The following SLC24A3 variants were observed in gnomAD, a reference collection of about 807,000 sequenced individuals.
SLC24A3 encodes solute carrier family 24 member 3, also known as sodium/potassium/calcium exchanger 3.
SLC24A3 carries 28 observed loss-of-function variants against 75.8 expected under a neutral mutation model. The observed-to-expected ratio is 0.37, with a 90% CI of 0.27 to 0.51. The LOEUF is 0.51. SLC24A3 is among the 20% of genes least tolerant of loss of function. The probability of loss-of-function intolerance (pLI) is 0.94; values close to 1 mark genes in which losing one functional copy is unlikely to be tolerated. For missense variants in SLC24A3, 663 were observed against 847.8 expected (o/e 0.78, Z 2.71); for synonymous variants, 372 against 334.1 (o/e 1.11, Z -1.24).
intron 6 of SLC24A3, among the ~76,000 whole-genome samples, chr20:19,641,240 C>G (rs1272745060): frequency 6.6e-6 from 1 of 152,110 alleles, no homozygotes; most frequent in Non-Finnish European, 1.5e-5. Flanking sequence ...AGCCCATATA[C>G]CCATCTGAGA....
chr20:19,387,089 A>G (rs1986285125), intron 2 of SLC24A3, among the ~76,000 whole-genome samples: 1 of 152,132 alleles, frequency 6.6e-6, no homozygotes, highest in African/African-American at 2.4e-5. Flanking sequence ...GTATGTTTCT[A>G]GGAATTTATC....
intron 3 of SLC24A3, among the ~76,000 whole-genome samples, chr20:19,544,686 C>T (rs762083723): frequency 3.3e-5 from 5 of 152,146 alleles, no homozygotes; most frequent in East Asian, 3.9e-4. Context: ...TGCAAAATTC[C>T]GATAAAAACT....
At chr20:19,441,688 C>CA (rs1987301714) in intron 2 of SLC24A3, among the ~76,000 whole-genome samples, 1 of 152,102 alleles carries the variant, frequency 6.6e-6, no homozygotes, top group Non-Finnish European at 1.5e-5. Context: ...ATTATTAACT[C>CA]AACTTTATAG....
rs113412126 is a variant in SLC24A3 at position 19,363,980 on chromosome 20, T to C, written c.271+82893T>C. On this transcript the variant is annotated intron_variant, in intron 2 of 16. Coordinates refer to ENST00000328041, the MANE Select transcript of SLC24A3 (RefSeq NM_020689.4). ...TTGATGTCAGATGATTGGCTGTCTT[T>C]AGGGAGGGCCCAGTCAGATCTTCGG... Among the ~76,000 whole-genome samples the C allele has an allele frequency of 7.5e-3, 1,147 of 151,956 alleles. 13 individuals carry two copies. Among genetic ancestry groups the C allele is most frequent in the African/African-American group, 0.027 (1,105 of 41,450 alleles).
chr20:19,363,569 A>C (rs933942361), intron 2 of SLC24A3, among the ~76,000 whole-genome samples: 1 of 152,132 alleles, frequency 6.6e-6, no homozygotes, highest in East Asian at 1.9e-4. Flanking sequence ...TCTGCTGGGG[A>C]TGCCCATTCA....
At chr20:19,275,061 A>G (rs1023111069) in intron 1 of SLC24A3, among the ~76,000 whole-genome samples, 1 of 152,220 alleles carries the variant, frequency 6.6e-6, no homozygotes, top group African/African-American at 2.4e-5. Context: ...GGCTGTTGCC[A>G]TGGCCCTCTG....
At chr20:19,511,031 C>T (rs1988527730) in intron 2 of SLC24A3, among the ~76,000 whole-genome samples, 1 of 152,192 alleles carries the variant, frequency 6.6e-6, no homozygotes, top group Non-Finnish European at 1.5e-5. Flanking sequence ...CAGTGACAGG[C>T]AGGCGTCAGT....
intron 6 of SLC24A3, among the ~76,000 whole-genome samples, chr20:19,610,726 G>A (rs963307009): frequency 6.6e-6 from 1 of 152,236 alleles, no homozygotes; most frequent in African/African-American, 2.4e-5. Flanking sequence ...AATCCTGGAA[G>A]ATGATGGGGT....
Position 19,580,051 on chromosome 20 carries a change from C to G in SLC24A3, c.400C>G (p.Pro134Ala). The part of the protein sequence containing the change: ...LAIVCDDFFV[P>A]SLEKICERLH... ...CATTGTGTGTGATGACTTCTTCGTC[C>G]CTTCCTTGGAAAAGATCTGTGAGGT... The change falls in exon 4 of 17, where the codon CCT (proline) becomes GCT (alanine). Residue 134 changes from proline to alanine, a missense_variant. By Grantham distance (27) the Pro-to-Ala change is conservative. Transcript: ENST00000328041. 1.9e-6 allele frequency: 3 copies of G among 1,613,854 alleles called. No homozygotes were observed. The highest frequency in any genetic ancestry group is 2.5e-6 in the Non-Finnish European group (3 of 1,179,800).
intron 15 of SLC24A3, among the ~76,000 whole-genome samples, chr20:19,711,577 T>G (rs987787077): frequency 1.3e-5 from 2 of 151,960 alleles, no homozygotes; most frequent in Non-Finnish European, 2.9e-5. Flanking sequence ...CACACGTGCA[T>G]GCTCACATGC....
At chr20:19,232,726 C>G (rs1243279183) in intron 1 of SLC24A3, among the ~76,000 whole-genome samples, 2 of 152,174 alleles carry the variant, frequency 1.3e-5, no homozygotes, top group Admixed American at 1.3e-4. Context: ...AGCTATCTGC[C>G]TTTAGGCTTG....
At chr20:19,484,287 C>A (rs1988098615) in intron 2 of SLC24A3, among the ~76,000 whole-genome samples, 1 of 152,046 alleles carries the variant, frequency 6.6e-6, no homozygotes, top group Non-Finnish European at 1.5e-5. Context: ...ATACACGTAG[C>A]CTAAAGGTTA....
At chr20:19,329,501 C>T (rs1485250886) in intron 2 of SLC24A3, among the ~76,000 whole-genome samples, 1 of 152,200 alleles carries the variant, frequency 6.6e-6, no homozygotes, top group Non-Finnish European at 1.5e-5. Context: ...ATTCCTTGGG[C>T]ACTTATAAAT....
At chr20:19,513,736 T>TAAAAAAAA (rs74180954) in intron 2 of SLC24A3, among the ~76,000 whole-genome samples, 35 of 123,290 alleles carry the variant, frequency 2.8e-4, no homozygotes, top group African/African-American at 1.1e-3. Flanking sequence ...GCTTTTTTTT[T>TAAAAAAAA]AGAAAAAAAA....
At chr20:19,524,891 T>C (rs563071720) in intron 3 of SLC24A3, among the ~76,000 whole-genome samples, 1 of 152,292 alleles carries the variant, frequency 6.6e-6, no homozygotes, top group South Asian at 2.1e-4. Flanking sequence ...AAAGAACTAG[T>C]CTTAGCAAAT....
intron 3 of SLC24A3, among the ~76,000 whole-genome samples, chr20:19,518,326 A>G (rs1001952978): frequency 2.0e-5 from 3 of 152,212 alleles, no homozygotes; most frequent in Non-Finnish European, 2.9e-5. Flanking sequence ...TGCTCAGGAC[A>G]TGGCTTCACT....
chr20:19,502,878 A>C (rs1250469222), intron 2 of SLC24A3, among the ~76,000 whole-genome samples: 5 of 150,464 alleles, frequency 3.3e-5, no homozygotes, highest in Non-Finnish European at 5.9e-5. Context: ...CAAAAAAAAA[A>C]AAAAAAAAAA....
chr20:19,584,774 C>T lies in SLC24A3; in HGVS notation c.424-197C>T, dbSNP rs556235069. 6.2e-4 allele frequency among the ~76,000 whole-genome samples: 94 copies of T among 152,338 alleles called. No individual in the cohort carries two copies. In the South Asian group the frequency reaches 8.7e-3, roughly 14 times the overall value. ...GAGGAGCTCTGACTCAGCAGGGGATCGGCAGCAGTGGCTGCGCTCTGTGAG... is the reference window on the plus strand; with the variant it reads ...GAGGAGCTCTGACTCAGCAGGGGATTGGCAGCAGTGGCTGCGCTCTGTGAG... On this transcript the variant is annotated intron_variant, in intron 4 of 16. Transcript: ENST00000328041.
chr20:19,508,659 T>C (rs999000373), intron 2 of SLC24A3, among the ~76,000 whole-genome samples: 1 of 152,186 alleles, frequency 6.6e-6, no homozygotes, highest in African/African-American at 2.4e-5. Context: ...GTCCCTGTGG[T>C]TTCCATGGGA....
Sources: gnomAD v4.1 joint callset for allele counts (sites outside exome capture counted in the v4.1 genomes callset) on GRCh38, gnomAD v4.1.1 for gene constraint, MANE v1.5 for transcripts, NCBI Gene and HGNC (gene_info 2026-07-23, HGNC 2026-07-21) for gene names.